The following DLGAP4 variants were observed in gnomAD, a reference collection of about 807,000 sequenced individuals.
The protein encoded by DLGAP4 is DLG associated protein 4, also known as disks large-associated protein 4.
A neutral mutation model predicts 86.9 loss-of-function variants in DLGAP4; 18 were observed. The observed-to-expected ratio is 0.21, with a 90% CI of 0.14 to 0.31. The LOEUF (loss-of-function observed/expected upper bound fraction) is 0.31, where lower values mean the gene tolerates loss of function less well. DLGAP4 is among the 10% of genes least tolerant of loss of function. The pLI, the probability that DLGAP4 is intolerant of heterozygous loss-of-function variation, is 1.00. For missense variants in DLGAP4, 1,085 were observed against 1,362.6 expected (o/e 0.80, Z 3.21); for synonymous variants, 548 against 574.3 (o/e 0.95, Z 0.65).
intron 5 of DLGAP4, among the ~76,000 whole-genome samples, 173 bp from the exon 6 acceptor site, chr20:36,442,554 G>A (rs1368920126): frequency 2.0e-5 from 3 of 152,158 alleles, no homozygotes; most frequent in African/African-American, 4.8e-5. Flanking sequence ...CAGAAGGAGT[G>A]AGCCTCCCAT....
Position 36,452,705 on chromosome 20 carries a change from T to C in DLGAP4, c.1648+5768T>C, listed in dbSNP as rs1323024761. 3.3e-5 allele frequency among the ~76,000 whole-genome samples: 5 copies of C among 151,802 alleles called. No individual in the cohort carries two copies. In the South Asian group the frequency reaches 6.2e-4, roughly 19 times the overall value. ...TCAAATTTTTAGTAAAGGTGGGGTT[T>C]CATCATGTTCGCTACGCTGGTCTTG... On this transcript the variant is annotated intron_variant, in intron 7 of 12. Coordinates refer to ENST00000339266, the MANE Select transcript of DLGAP4 (RefSeq NM_001365621.2).
chr20:36,462,326 C>T, intron 7 of DLGAP4: 2 of 1,353,324 alleles, frequency 1.5e-6, no homozygotes, highest in Non-Finnish European at 1.9e-6. Flanking sequence ...TTCTCGGGAT[C>T]GGGGTCCCCT....
chr20:36,332,942 G>A (rs959462054), intron 1 of DLGAP4, among the ~76,000 whole-genome samples: 2 of 152,220 alleles, frequency 1.3e-5, no homozygotes, highest in African/African-American at 4.8e-5. Flanking sequence ...GGAAGCTCCA[G>A]ACAGGAGGCT....
chr20:36,460,287 C>A (rs1044199256), intron 7 of DLGAP4, among the ~76,000 whole-genome samples: 5 of 152,144 alleles, frequency 3.3e-5, no homozygotes, highest in Non-Finnish European at 5.9e-5. Context: ...GCAACAGAGA[C>A]CTTGTCGCTA....
At chr20:36,513,029 G>A (rs2036811193) in intron 10 of DLGAP4, among the ~76,000 whole-genome samples, 1 of 128,332 alleles carries the variant, frequency 7.8e-6, no homozygotes, top group Non-Finnish European at 1.6e-5. Context: ...TTGGCTGACT[G>A]TAACCTCCAC....
At chr20:36,400,617 G>A (rs538857354) in intron 2 of DLGAP4, among the ~76,000 whole-genome samples, 1 of 152,156 alleles carries the variant, frequency 6.6e-6, no homozygotes, top group East Asian at 1.9e-4. Context: ...GATGGGGTTG[G>A]GAACATTGCA....
At chr20:36,386,521 G>GGCAT (rs967815529) in intron 2 of DLGAP4, among the ~76,000 whole-genome samples, 2 of 152,120 alleles carry the variant, frequency 1.3e-5, no homozygotes, top group African/African-American at 2.4e-5. Context: ...AATACTAAAA[G>GGCAT]GCATTCCATG....
intron 2 of DLGAP4, among the ~76,000 whole-genome samples, chr20:36,427,016 CAA>C (rs746938748): frequency 1.5e-5 from 2 of 134,064 alleles, no homozygotes; most frequent in Admixed American, 7.5e-5. Context: ...CTGTCTGTAC[CAA>C]AAAAAAAAAA....
At chr20:36,357,832 G>A (rs1320750384) in intron 1 of DLGAP4, among the ~76,000 whole-genome samples, 3 of 152,248 alleles carry the variant, frequency 2.0e-5, no homozygotes, top group African/African-American at 7.2e-5. Context: ...AAGTCAGCAA[G>A]TGGGACGGGA....
At chr20:36,386,077 C>T (rs1321991854) in intron 2 of DLGAP4, among the ~76,000 whole-genome samples, 1 of 152,164 alleles carries the variant, frequency 6.6e-6, no homozygotes, top group East Asian at 1.9e-4. Flanking sequence ...GCACCACCAG[C>T]CAGCCTCCTC....
At chr20:36,427,036 T>C (rs577875187) in intron 2 of DLGAP4, among the ~76,000 whole-genome samples, 55 of 152,076 alleles carry the variant, frequency 3.6e-4, no homozygotes, top group East Asian at 3.9e-4. Flanking sequence ...AAAAATGTTT[T>C]TTCTAATTAG....
intron 6 of DLGAP4, among the ~76,000 whole-genome samples, chr20:36,445,288 G>A (rs1003386298): frequency 1.3e-5 from 2 of 151,976 alleles, no homozygotes; most frequent in South Asian, 2.1e-4. Flanking sequence ...GGCAGATCAC[G>A]AGGTCAGGAG....
chr20:36,525,655 A>G (rs1340922664), intron 11 of DLGAP4, 196 bp from the exon 12 acceptor site: 2 of 679,948 alleles, frequency 2.9e-6, no homozygotes, highest in Non-Finnish European at 4.9e-6. Context: ...CTATCCCCCA[A>G]AGATCCCCAC....
intron 1 of DLGAP4, among the ~76,000 whole-genome samples, chr20:36,341,216 C>T (rs1184443619): frequency 1.3e-5 from 2 of 152,220 alleles, no homozygotes; most frequent in African/African-American, 2.4e-5. Flanking sequence ...GAACACTTCC[C>T]CAGTTCTTAT....
chr20:36,480,357 C>T (rs1377136793), intron 7 of DLGAP4, among the ~76,000 whole-genome samples: 1 of 152,156 alleles, frequency 6.6e-6, no homozygotes. Context: ...TGTGGCTAGG[C>T]TGTGTGAACA....
chr20:36,341,063 C>T (rs969586637), intron 1 of DLGAP4, among the ~76,000 whole-genome samples: 4 of 152,184 alleles, frequency 2.6e-5, no homozygotes, highest in Non-Finnish European at 5.9e-5. Flanking sequence ...ACCCATTGCA[C>T]AAAGAGGGAA....
intron 1 of DLGAP4, among the ~76,000 whole-genome samples, chr20:36,310,539 G>T (rs1448979854): frequency 6.6e-6 from 1 of 152,208 alleles, no homozygotes; most frequent in South Asian, 2.1e-4. Context: ...ACTGTCCGAA[G>T]TCTGTGATCC....
rs547045082 is a variant in DLGAP4 at position 36,481,012 on chromosome 20, T to C, written c.1649-15693T>C. ...CAGTGAGACTGTCTCAAAAAAAAAA[T>C]GTTGAACTATGAATGTCATGCACAC... On this transcript the variant is annotated intron_variant, in intron 7 of 12. Coordinates refer to ENST00000339266, the MANE Select transcript of DLGAP4 (RefSeq NM_001365621.2). Among the ~76,000 whole-genome samples, 432 of 151,746 alleles carry C rather than the reference T, an allele frequency of 2.8e-3. 2 individuals are homozygous for C. The highest frequency in any genetic ancestry group is 4.4e-3 in the Admixed American group (67 of 15,240).
chr20:36,424,127 T>C (rs1291949053), intron 2 of DLGAP4, among the ~76,000 whole-genome samples: 1 of 152,174 alleles, frequency 6.6e-6, no homozygotes, highest in Non-Finnish European at 1.5e-5. Flanking sequence ...CAGGTTTGCA[T>C]GAGAAGTTTC....
Sources: gnomAD v4.1 joint callset for allele counts (sites outside exome capture counted in the v4.1 genomes callset) on GRCh38, gnomAD v4.1.1 for gene constraint, MANE v1.5 for transcripts, NCBI Gene and HGNC (gene_info 2026-07-23, HGNC 2026-07-21) for gene names.